Variants in RBFOX1 observed in about 807,000 individuals in gnomAD.
RBFOX1 encodes the protein RNA binding protein fox-1 homolog 1.
A neutral mutation model predicts 57.7 loss-of-function variants in RBFOX1; 8 were observed. The observed-to-expected ratio is 0.14, with a 90% CI of 0.08 to 0.25. The LOEUF (loss-of-function observed/expected upper bound fraction) is 0.25. RBFOX1 is among the 10% of genes least tolerant of loss of function. The pLI, the probability that RBFOX1 is intolerant of heterozygous loss-of-function variation, is 1.00. For missense variants in RBFOX1, 611 were observed against 548.5 expected (o/e 1.11, Z -1.14); for synonymous variants, 326 against 222.4 (o/e 1.47, Z -4.15).
intron 2 of RBFOX1, among the ~76,000 whole-genome samples, chr16:5,489,866 C>G (rs1314037958): frequency 6.6e-6 from 1 of 152,224 alleles, no homozygotes; most frequent in African/African-American, 2.4e-5. Flanking sequence ...TTTCCCTCCA[C>G]CAGACCTGGG....
At chr16:6,134,345 A>G (rs2096650853) in intron 1 of RBFOX1, among the ~76,000 whole-genome samples, 1 of 152,204 alleles carries the variant, frequency 6.6e-6, no homozygotes, top group South Asian at 2.1e-4. Context: ...AGCACAAAAG[A>G]GGATTTGTCT....
chr16:7,446,449 G>T (rs914216496), intron 4 of RBFOX1, among the ~76,000 whole-genome samples: 4 of 152,202 alleles, frequency 2.6e-5, no homozygotes, highest in African/African-American at 7.2e-5. Flanking sequence ...CTCCCTCACT[G>T]TTGTGGGGTG....
At chr16:5,474,654 C>CA (rs527739074) in intron 2 of RBFOX1, among the ~76,000 whole-genome samples, 6,142 of 127,340 alleles carry the variant, frequency 0.048, 276 homozygotes, top group African/African-American at 0.13. Context: ...GACTTCGTCT[C>CA]AAAAAAAAAA....
intron 2 of RBFOX1, among the ~76,000 whole-genome samples, chr16:6,506,050 T>G (rs1196628685): frequency 1.3e-5 from 2 of 152,194 alleles, no homozygotes; most frequent in African/African-American, 4.8e-5. Flanking sequence ...GATTCCTGAT[T>G]CTAGCAAAGC....
chr16:7,052,581 A>T (rs2050485336), intron 4 of RBFOX1, among the ~76,000 whole-genome samples: 1 of 152,152 alleles, frequency 6.6e-6, no homozygotes, highest in Non-Finnish European at 1.5e-5. Flanking sequence ...ACATTTGTGT[A>T]TATGGGAGAG....
chr16:6,387,974 ATTTTTTTTTT>A (rs61603572), intron 2 of RBFOX1, among the ~76,000 whole-genome samples: 1 of 84,150 alleles, frequency 1.2e-5, no homozygotes, highest in Admixed American at 1.6e-4. Flanking sequence ...TTTGTGGAAC[ATTTTTTTTTT>A]TTTTTTTTTT....
intron 4 of RBFOX1, among the ~76,000 whole-genome samples, chr16:7,210,905 C>T (rs770497313): frequency 1.3e-5 from 2 of 150,676 alleles, no homozygotes; most frequent in African/African-American, 2.5e-5. Flanking sequence ...TAGGTACTCT[C>T]ACTATAAAAG....
intron 3 of RBFOX1, among the ~76,000 whole-genome samples, chr16:6,873,132 A>G (rs1259173576): frequency 7.4e-6 from 1 of 134,646 alleles, no homozygotes; most frequent in Non-Finnish European, 1.6e-5. Flanking sequence ...TATGCATTGG[A>G]AAAAAAAAAA....
At position 6,175,821 on chromosome 16, in the gene RBFOX1, C is replaced by T. The variant is rs76097667; in HGVS notation, c.-126-141174C>T. On this transcript the variant is annotated intron_variant, in intron 1 of 15. Coordinates refer to ENST00000550418, the MANE Select transcript of RBFOX1 (RefSeq NM_018723.4). ...CTCTTGGTGATAAGAAGAGGACCCA[C>T]ACGGGGACAATCAGAAATGTTAGCA... is the stretch of plus-strand genomic sequence containing the variant. 5.4e-3 allele frequency among the ~76,000 whole-genome samples: 825 copies of T among 152,156 alleles called. 10 individuals are homozygous for T. The highest frequency in any genetic ancestry group is 0.018 in the African/African-American group (764 of 41,500).
chr16:6,401,022 T>C (rs954858259), intron 2 of RBFOX1, among the ~76,000 whole-genome samples: 1 of 152,102 alleles, frequency 6.6e-6, no homozygotes, highest in Non-Finnish European at 1.5e-5. Context: ...ACTCCAGGAG[T>C]AATCAGCACA....
intron 2 of RBFOX1, among the ~76,000 whole-genome samples, chr16:5,581,704 C>G (rs1177493146): frequency 1.3e-5 from 2 of 152,166 alleles, no homozygotes; most frequent in African/African-American, 4.8e-5. Flanking sequence ...GCCAGGGTGA[C>G]AGACAGCTGA....
chr16:6,613,403 A>G (rs775353241), intron 2 of RBFOX1, among the ~76,000 whole-genome samples: 2 of 152,030 alleles, frequency 1.3e-5, no homozygotes, highest in Non-Finnish European at 2.9e-5. Flanking sequence ...AAAGCGGGGG[A>G]ATGATTTCTG....
At chr16:6,962,906 T>C (rs1425269025) in intron 3 of RBFOX1, among the ~76,000 whole-genome samples, 1 of 88,986 alleles carries the variant, frequency 1.1e-5, no homozygotes, top group East Asian at 3.3e-4. Context: ...AGCCTTGGGA[T>C]GGGGTGATTT....
At chr16:7,504,172 T>G (rs1158549196) in intron 4 of RBFOX1, among the ~76,000 whole-genome samples, 2 of 152,144 alleles carry the variant, frequency 1.3e-5, no homozygotes, top group Admixed American at 1.3e-4. Flanking sequence ...ATAATTTTCT[T>G]AGCGTCTCAG....
intron 4 of RBFOX1, among the ~76,000 whole-genome samples, chr16:7,168,534 A>G (rs1205383695): frequency 2.0e-5 from 3 of 152,162 alleles, no homozygotes; most frequent in Admixed American, 1.3e-4. Flanking sequence ...AAAACCTTCA[A>G]TTAAGTTGCA....
chr16:7,187,704 A>G (rs2084269270), intron 4 of RBFOX1, among the ~76,000 whole-genome samples: 2 of 38,502 alleles, frequency 5.2e-5, no homozygotes, highest in Admixed American at 2.0e-4. Context: ...AAAAAAAAAA[A>G]AAAAAAAAAA....
chr16:7,475,269 G>T (rs921195484), intron 4 of RBFOX1, among the ~76,000 whole-genome samples: 1 of 151,498 alleles, frequency 6.6e-6, no homozygotes, highest in Non-Finnish European at 1.5e-5. Context: ...AAAGGGAGGA[G>T]TGTGCAGCTA....
At chr16:6,220,140 C>T (rs2097362764) in intron 1 of RBFOX1, among the ~76,000 whole-genome samples, 1 of 151,784 alleles carries the variant, frequency 6.6e-6, no homozygotes, top group Non-Finnish European at 1.5e-5. Flanking sequence ...TCATCTATCT[C>T]GATATAGGTA....
At chr16:7,510,949 C>G (rs1038399779) in intron 4 of RBFOX1, among the ~76,000 whole-genome samples, 2 of 152,080 alleles carry the variant, frequency 1.3e-5, no homozygotes, top group Non-Finnish European at 2.9e-5. Flanking sequence ...AGGAGGTTCT[C>G]CACAGCAGGA....
Sources: allele counts gnomAD v4.1 joint callset (sites outside exome capture counted in the v4.1 genomes callset), GRCh38; gene constraint gnomAD v4.1.1; transcripts MANE v1.5; gene names NCBI Gene and HGNC (gene_info 2026-07-23, HGNC 2026-07-21).